The following NAV3 variants were observed in gnomAD, a reference collection of about 807,000 sequenced individuals.
The protein encoded by NAV3 is neuron navigator 3.
NAV3 carries 87 observed loss-of-function variants against 244.7 expected under a neutral mutation model. That is an observed-to-expected ratio of 0.36 (90% CI 0.30 to 0.42). The LOEUF (loss-of-function observed/expected upper bound fraction) is 0.42. Among genes scored for constraint, NAV3 ranks in the 20% least tolerant of loss-of-function variants. The pLI, the probability that NAV3 is intolerant of heterozygous loss-of-function variation, is 1.00. For synonymous variants in NAV3, 1,126 were observed against 1,042.2 expected, an observed-to-expected ratio of 1.08 and a Z score of -1.55; for missense variants, 2,663 against 2,893.3, an observed-to-expected ratio of 0.92 and a Z score of 1.83.
chr12:78,024,685 C>A (rs28372080), intron 9 of NAV3, among the ~76,000 whole-genome samples: 9,612 of 152,130 alleles, frequency 0.063, 974 homozygotes, highest in African/African-American at 0.22. Context: ...ATTTAAAAAA[C>A]ACAACTTCCT....
intron 2 of NAV3, among the ~76,000 whole-genome samples, chr12:77,590,705 C>T (rs1423926109): frequency 6.6e-6 from 1 of 152,140 alleles, no homozygotes; most frequent in Admixed American, 6.5e-5. Context: ...CAAATATGCT[C>T]ATTCATGGAG....
At chr12:77,735,799 G>T (rs1377702593) in intron 2 of NAV3, among the ~76,000 whole-genome samples, 1 of 152,086 alleles carries the variant, frequency 6.6e-6, no homozygotes, top group Non-Finnish European at 1.5e-5. Flanking sequence ...TTAATAGAAT[G>T]AATGGAATGC....
chr12:78,086,670 T>C (rs1008329462), intron 12 of NAV3, among the ~76,000 whole-genome samples: 5 of 152,032 alleles, frequency 3.3e-5, no homozygotes, highest in Non-Finnish European at 7.4e-5. Flanking sequence ...AGGGATCTTT[T>C]CACTTTGCCA....
chr12:77,859,136 G>T lies in NAV3; in HGVS notation c.243+27432G>T, dbSNP rs75052027. On this transcript the variant is annotated intron_variant, in intron 1 of 39. Transcript: ENST00000397909. ...CAGCCCAGCAAAGAATGAGAAGTCA[G>T]TTTCACAAGTAATTGAGATCTCTTT... Among the ~76,000 whole-genome samples the T allele has an allele frequency of 3.5e-4, 54 of 152,214 alleles. No individual in the cohort carries two copies. In the East Asian group the frequency reaches 6.7e-3, roughly 19 times the overall value.
chr12:77,773,344 G>A (rs968930134), intron 2 of NAV3, among the ~76,000 whole-genome samples: 1 of 151,894 alleles, frequency 6.6e-6, no homozygotes, highest in African/African-American at 2.4e-5. Flanking sequence ...CAAAAGAAAA[G>A]CAATATCAAC....
chr12:77,587,487 G>A (rs938039910), intron 2 of NAV3, among the ~76,000 whole-genome samples: 8 of 152,052 alleles, frequency 5.3e-5, no homozygotes, highest in South Asian at 2.1e-4. Flanking sequence ...CATATGTTTC[G>A]TAAGCTCTTT....
Position 78,089,077 on chromosome 12 carries a change from A to G in NAV3, c.2637-27695A>G, listed in dbSNP as rs539341313. Among the ~76,000 whole-genome samples the G allele has an allele frequency of 1.1e-4, 17 of 152,264 alleles. No individual in the cohort carries two copies. The South Asian group carries it at 3.5e-3, about 32-fold the overall frequency. On this transcript the variant is annotated intron_variant, in intron 12 of 39. Transcript: ENST00000397909. Reference sequence around the variant, plus strand: ...CATAATAGGAATGTTTGTGCCTTGCACTGTCTTTGCAAATATCGCAGGTCA... The same window carrying G: ...CATAATAGGAATGTTTGTGCCTTGCGCTGTCTTTGCAAATATCGCAGGTCA...
rs757596446 is a variant in NAV3 at position 78,188,343 on chromosome 12, G to A, written c.5886G>A (p.Lys1962=). The change falls in exon 32 of 40, where the codon AAG becomes AAA. Residue 1962 remains lysine, a splice_region_variant and synonymous_variant. Coordinates refer to ENST00000397909, the MANE Select transcript of NAV3 (RefSeq NM_001024383.2). ...ATGGTGTAATAAGACGTCTCTTTAA[G>A]GTATGTTGTGCAAGACACCCTAATA... ...VLDGVIRRLF[K]EYVFRIDTST... The A allele has an allele frequency of 5.0e-6, 8 of 1,607,578 alleles. No homozygotes were observed. The highest frequency in any genetic ancestry group is 6.8e-6 in the Non-Finnish European group (8 of 1,175,534).
chr12:77,808,552 G>A (rs12230425), intron 2 of NAV3, among the ~76,000 whole-genome samples: 22,125 of 152,162 alleles, frequency 0.15, 1,935 homozygotes, highest in Middle Eastern at 0.2. Context: ...TGGAAGCTTC[G>A]TTCCAGAGGG....
intron 18 of NAV3, among the ~76,000 whole-genome samples, chr12:78,131,817 C>A (rs1445116877): frequency 2.0e-5 from 3 of 152,132 alleles, no homozygotes; most frequent in Non-Finnish European, 4.4e-5. Context: ...GTGTGTAAGA[C>A]TTGACAGATT....
At chr12:77,624,676 A>C (rs1352880996) in intron 2 of NAV3, among the ~76,000 whole-genome samples, 1 of 151,934 alleles carries the variant, frequency 6.6e-6, no homozygotes, top group African/African-American at 2.4e-5. Flanking sequence ...GAGAAGAATG[A>C]CTCCAAAGTT....
intron 2 of NAV3, among the ~76,000 whole-genome samples, chr12:77,647,288 A>G (rs1872644403): frequency 6.6e-6 from 1 of 152,134 alleles, no homozygotes; most frequent in Non-Finnish European, 1.5e-5. Context: ...TTTCTTGGTA[A>G]AAGGAGAGCA....
chr12:78,000,983 A>C (rs1873198263), intron 7 of NAV3, among the ~76,000 whole-genome samples: 1 of 151,710 alleles, frequency 6.6e-6, no homozygotes, highest in African/African-American at 2.4e-5. Flanking sequence ...GTCTAAAAAA[A>C]AAAAAAAAAT....
intron 1 of NAV3, among the ~76,000 whole-genome samples, chr12:77,877,828 C>A (rs1882060101): frequency 6.6e-6 from 1 of 152,072 alleles, no homozygotes; most frequent in South Asian, 2.1e-4. Flanking sequence ...CGAAAAATAA[C>A]TTTACAGTGG....
chr12:77,807,933 A>G (rs771865385), intron 2 of NAV3, among the ~76,000 whole-genome samples: 1 of 152,138 alleles, frequency 6.6e-6, no homozygotes, highest in Middle Eastern at 3.4e-3. Flanking sequence ...TTGATCTTCA[A>G]TCTCTGATAA....
At position 78,006,578 on chromosome 12, in the gene NAV3, T is replaced by C. The variant is rs1874258711; in HGVS notation, c.1040T>C (p.Met347Thr). The change falls in exon 8 of 40, where the codon ATG (methionine) becomes ACG (threonine). Residue 347 changes from methionine to threonine, a missense_variant. Met to Thr is a moderately conservative substitution (Grantham distance 81, BLOSUM62 -1). Transcript: ENST00000397909. ...MNVKHSATSTMLTVKQSSTAT... is the reference protein window; with the variant it reads ...MNVKHSATSTTLTVKQSSTAT... ...GTCAAACACAGTGCCACCTCCACCA[T>C]GTTGACTGTAAAGCAGTCAAGTACA... 3 of 1,614,032 alleles carry C rather than the reference T, an allele frequency of 1.9e-6. No individual in the cohort carries two copies. Among genetic ancestry groups the C allele is most frequent in the Non-Finnish European group, 2.5e-6 (3 of 1,180,012 alleles).
At chr12:77,894,715 A>G (rs1884367906) in intron 1 of NAV3, among the ~76,000 whole-genome samples, 1 of 152,240 alleles carries the variant, frequency 6.6e-6, no homozygotes, top group Non-Finnish European at 1.5e-5. Context: ...TAGAAGCAAC[A>G]GAATGTGGTA....
chr12:77,622,467 G>C (rs1225388589), intron 2 of NAV3, among the ~76,000 whole-genome samples: 1 of 150,124 alleles, frequency 6.7e-6, no homozygotes, highest in Non-Finnish European at 1.5e-5. Flanking sequence ...CCCCCAAGCT[G>C]TCTGGTTTTC....
chr12:78,023,390 C>T (rs567192867), intron 9 of NAV3, among the ~76,000 whole-genome samples: 5 of 151,978 alleles, frequency 3.3e-5, no homozygotes, highest in Middle Eastern at 6.8e-3. Flanking sequence ...AATAGAATAC[C>T]TGAAAGTGAA....
Sources: allele counts gnomAD v4.1 joint callset (sites outside exome capture counted in the v4.1 genomes callset), GRCh38; gene constraint gnomAD v4.1.1; transcripts MANE v1.5; gene names NCBI Gene and HGNC (gene_info 2026-07-23, HGNC 2026-07-21).